The following TRPA1 variants were observed in gnomAD, a reference collection of about 807,000 sequenced individuals.
TRPA1 encodes the protein transient receptor potential cation channel subfamily A member 1.
A neutral mutation model predicts 131.3 loss-of-function variants in TRPA1; 129 were observed. That is an observed-to-expected ratio of 0.98 (90% confidence interval 0.85 to 1.14). The LOEUF (loss-of-function observed/expected upper bound fraction) is 1.14, where lower values mean the gene tolerates loss of function less well. TRPA1 is among the 50% of genes most tolerant of loss of function. The probability of loss-of-function intolerance (pLI) is 0.00; values close to 1 mark genes in which losing one functional copy is unlikely to be tolerated. For missense variants in TRPA1, 1,304 were observed against 1,354.2 expected (o/e 0.96, Z 0.58); for synonymous variants, 441 against 451.7 (o/e 0.98, Z 0.30).
chr8:72,029,762 A>G (rs992800818), intron 24 of TRPA1, 139 bp downstream of exon 24: 18 of 882,048 alleles, frequency 2.0e-5, no homozygotes, highest in African/African-American at 3.3e-5. Flanking sequence ...TAAATGGCAC[A>G]TACTTTACAG....
At chr8:72,070,291 T>C (rs1806030889) in intron 2 of TRPA1, among the ~76,000 whole-genome samples, 1 of 152,152 alleles carries the variant, frequency 6.6e-6, no homozygotes, top group Non-Finnish European at 1.5e-5. Flanking sequence ...CTCCACTATT[T>C]CCTTTCATTC....
rs1389438584 is a variant in TRPA1, at chr8:72,021,813, T to C, written c.*1093A>G. On this transcript the variant is annotated 3_prime_UTR_variant, in exon 27 of 27. Transcript: ENST00000262209. ...ATGTCCAGTAAAAAGGAGTAACAAA[T>C]AGAAATGAGTAGAAAAAATAGGAAA... 5.3e-5 allele frequency: 8 copies of C among 151,430 alleles called. No homozygotes were observed. The highest frequency in any genetic ancestry group is 1.9e-4 in the African/African-American group (8 of 41,182). 9.4% of individuals were successfully genotyped at this position (151,430 alleles called of 1,614,324 possible). A position where few individuals can be genotyped will look rare whatever the true frequency, so the allele number is the denominator to read the frequency against.
chr8:72,071,673 G>T, intron 2 of TRPA1, 38 bp downstream of exon 2: 1 of 1,605,912 alleles, frequency 6.2e-7, no homozygotes, highest in Non-Finnish European at 8.5e-7. Flanking sequence ...TGAATGGGAT[G>T]AATGATTTCT....
At chr8:72,064,571 A>G (rs1805885182) in intron 4 of TRPA1, among the ~76,000 whole-genome samples, 1 of 152,018 alleles carries the variant, frequency 6.6e-6, no homozygotes, top group East Asian at 1.9e-4. Context: ...CAATCATGAC[A>G]GCTTAGAGTA....
At chr8:72,034,174 A>G in intron 22 of TRPA1, 74 bp downstream of exon 22, 1 of 1,390,710 alleles carries the variant, frequency 7.2e-7, no homozygotes, top group East Asian at 2.5e-5. Context: ...TTTCTAGACT[A>G]TTTAGATTTA....
chr8:72,029,174 A>C (rs555103441), intron 24 of TRPA1, among the ~76,000 whole-genome samples: 1 of 152,348 alleles, frequency 6.6e-6, no homozygotes, highest in Admixed American at 6.5e-5. Flanking sequence ...ACAAGAGAAC[A>C]AAACCTCATG....
upstream of TRPA1, among the ~76,000 whole-genome samples, chr8:72,077,421 C>T (rs1349159882): frequency 6.6e-6 from 1 of 152,182 alleles, no homozygotes; most frequent in Non-Finnish European, 1.5e-5. Context: ...TGCATTCTTG[C>T]TTCTCTACCC....
intron 1 of TRPA1, among the ~76,000 whole-genome samples, chr8:72,073,916 CCG>C (rs1806118702): frequency 6.6e-6 from 1 of 152,178 alleles, no homozygotes; most frequent in African/African-American, 2.4e-5. Flanking sequence ...TGTGGCCAAA[CCG>C]GACATGTCAA....
At chr8:72,024,500 A>T (rs536103274) in intron 25 of TRPA1, among the ~76,000 whole-genome samples, 1 of 152,132 alleles carries the variant, frequency 6.6e-6, no homozygotes, top group Non-Finnish European at 1.5e-5. Flanking sequence ...GACCAGACTG[A>T]GGGGAGAATG....
At chr8:72,077,508 ATAT>A (rs900563802), upstream of TRPA1, among the ~76,000 whole-genome samples, 1 of 152,206 alleles carries the variant, frequency 6.6e-6, no homozygotes, top group African/African-American at 2.4e-5. Flanking sequence ...CAGTTGGTTA[ATAT>A]TATAGATATG....
upstream of TRPA1, among the ~76,000 whole-genome samples, chr8:72,076,065 T>TA (rs1806178576): frequency 6.6e-6 from 1 of 152,134 alleles, no homozygotes; most frequent in African/African-American, 2.4e-5. Context: ...GATTTGGAAA[T>TA]AACGTTTTTA....
At chr8:72,056,865 T>C (rs1161358468) in intron 10 of TRPA1, 52 bp downstream of exon 10, 1 of 1,231,632 alleles carries the variant, frequency 8.1e-7, no homozygotes, top group Non-Finnish European at 1.2e-6. Context: ...AAAATTAGTT[T>C]ATTTTCTGTT....
chr8:72,065,720 G>A (rs767089581), intron 3 of TRPA1, among the ~76,000 whole-genome samples, 162 bp from the exon 4 acceptor site: 1 of 152,022 alleles, frequency 6.6e-6, no homozygotes, highest in Non-Finnish European at 1.5e-5. Flanking sequence ...CACATTGTGG[G>A]TACTAACTAA....
intron 13 of TRPA1, 92 bp from the exon 14 acceptor site, chr8:72,052,857 T>C: frequency 7.0e-7 from 1 of 1,426,036 alleles, no homozygotes; most frequent in African/African-American, 1.4e-5. Flanking sequence ...TTAGCGACAC[T>C]ATTTAATACC....
At position 72,040,930 on chromosome 8, in the gene TRPA1, T is replaced by C. The variant is rs77644901; in HGVS notation, c.2062-1133A>G. The stretch of plus-strand genomic sequence containing the variant: ...TCTCCTATTAAAATACAACGGTTGA[T>C]TGAATGGATAAAACCCAGGATTCAA... On this transcript the variant is annotated intron_variant, in intron 17 of 26. Coordinates refer to ENST00000262209, the MANE Select transcript of TRPA1 (RefSeq NM_007332.3). Among the ~76,000 whole-genome samples, 1,053 of 152,196 alleles carry C rather than the reference T, an allele frequency of 6.9e-3. 18 individuals are homozygous for C. Among genetic ancestry groups the C allele is most frequent in the African/African-American group, 0.024 (993 of 41,550 alleles).
intron 2 of TRPA1, among the ~76,000 whole-genome samples, 165 bp downstream of exon 2, chr8:72,071,546 A>G (rs557907893): frequency 1.9e-3 from 282 of 152,310 alleles, no homozygotes; most frequent in Non-Finnish European, 3.4e-3. Context: ...TCAGTAGAAG[A>G]AGTTGAGGAG....
intron 10 of TRPA1, 159 bp from the exon 11 acceptor site, chr8:72,056,014 T>C: frequency 5.8e-6 from 4 of 693,802 alleles, no homozygotes; most frequent in Non-Finnish European, 1.0e-5. Context: ...GTAATATAAA[T>C]ATGAATGAAG....
chr8:72,072,846 C>CTAGGTTCAG (rs1004437751), intron 1 of TRPA1, among the ~76,000 whole-genome samples: 2 of 152,160 alleles, frequency 1.3e-5, no homozygotes, highest in Non-Finnish European at 2.9e-5. Context: ...AGAGGGAGTA[C>CTAGGTTCAG]TAGGTTCAGA....
the TRPA1 span, among the ~76,000 whole-genome samples, chr8:72,088,797 A>AC: frequency 6.6e-6 from 1 of 152,062 alleles, no homozygotes; most frequent in African/African-American, 2.4e-5. Context: ...TTATAGAGAA[A>AC]CCTAAGCATA....
Sources: gnomAD v4.1 joint callset for allele counts (sites outside exome capture counted in the v4.1 genomes callset) on GRCh38, gnomAD v4.1.1 for gene constraint, MANE v1.5 for transcripts, NCBI Gene and HGNC (gene_info 2026-07-23, HGNC 2026-07-21) for gene names.